The following TIAM2 variants were observed in gnomAD, a reference collection of about 807,000 sequenced individuals.
TIAM2 encodes rho guanine nucleotide exchange factor TIAM2.
TIAM2 carries 80 observed loss-of-function variants against 152.9 expected under a neutral mutation model. That is an observed-to-expected ratio of 0.52 (90% CI 0.44 to 0.63). TIAM2 has a LOEUF of 0.63. Ranked by LOEUF, TIAM2 falls within the 30% of genes least tolerant of loss-of-function variation. The pLI is 0.00. For synonymous variants in TIAM2, 804 were observed against 838.0 expected (o/e 0.96, Z 0.70); for missense variants, 1,965 against 2,120.1 (o/e 0.93, Z 1.44).
chr6:155,243,383 T>A (rs1783147702), intron 16 of TIAM2, among the ~76,000 whole-genome samples: 1 of 152,140 alleles, frequency 6.6e-6, no homozygotes, highest in Non-Finnish European at 1.5e-5. Flanking sequence ...TGCAGGGAAG[T>A]GAGTGCCCCT....
chr6:155,250,113 T>C (rs1251727590), intron 21 of TIAM2, 144 bp downstream of exon 21: 1 of 596,524 alleles, frequency 1.7e-6, no homozygotes, highest in Non-Finnish European at 3.0e-6. Flanking sequence ...TCTAATGAAC[T>C]ACACAATTTA....
At chr6:155,005,903 GCAT>G (rs1332821241) in intron 1 of TIAM2, among the ~76,000 whole-genome samples, 1 of 152,182 alleles carries the variant, frequency 6.6e-6, no homozygotes, top group Non-Finnish European at 1.5e-5. Flanking sequence ...GCCTGCCTCG[GCAT>G]CCCAAAGTGC....
chr6:155,161,128 G>T (rs1780257397), intron 7 of TIAM2, among the ~76,000 whole-genome samples: 1 of 152,116 alleles, frequency 6.6e-6, no homozygotes, highest in Admixed American at 6.5e-5. Flanking sequence ...GAGTGCTGAA[G>T]ATTATTAAAG....
intron 1 of TIAM2, among the ~76,000 whole-genome samples, chr6:155,010,366 A>G (rs1778465767): frequency 6.6e-6 from 1 of 152,340 alleles, no homozygotes; most frequent in Non-Finnish European, 1.5e-5. Context: ...AAATGGGGTA[A>G]AGGGTTTGGG....
chr6:155,249,729 C>T (rs1272848047), intron 20 of TIAM2, 122 bp from the exon 21 acceptor site: 3 of 703,160 alleles, frequency 4.3e-6, no homozygotes, highest in South Asian at 2.1e-5. Flanking sequence ...GAATGTAATG[C>T]TCCTGCTAGT....
rs1347659136 is a variant in TIAM2 at position 155,047,673 on chromosome 6, AGAGAGAGAGAGAGAG to A, written c.-208-42600_-208-42586del. On this transcript the variant is annotated intron_variant, in intron 1 of 26. Transcript: ENST00000682666. ...GGGGAGAGAGAGAGAGAGAGGAGAG[AGAGAGAGAGAGAGAG>A]GAGAGAGAGAGAGAGAGCGAGAGAG... is the stretch of plus-strand genomic sequence containing the variant. Among the ~76,000 whole-genome samples the A allele has an allele frequency of 3.8e-5, 2 of 52,104 alleles. 1 individual carries two copies. 34.2% of individuals were successfully genotyped at this position (52,104 alleles called of 152,430 possible). A position where few individuals can be genotyped will look rare whatever the true frequency, so the allele number is the denominator to read the frequency against.
In TIAM2 at chr6:155,130,088, C is replaced by G. The variant is rs1467546132; in HGVS notation, c.865C>G (p.Pro289Ala). The change falls in exon 4 of 27, where the codon CCT becomes GCT. Residue 289 changes from proline (P) to alanine (A), a missense_variant. This residue lies in a region of TIAM2 where 1,025 missense variants were observed against 1,119.4 expected (regional missense o/e 0.92). Transcript: ENST00000682666. Reference protein sequence around the residue: ...ASFPPGDAKKPFNQSSSLSSL... With the variant: ...ASFPPGDAKKAFNQSSSLSSL... ...CTTCCCACCTGGCGATGCCAAAAAGCCTTTCAACCAAAGCTCTTCCCTCTC... is the reference window on the plus strand; with the variant it reads ...CTTCCCACCTGGCGATGCCAAAAAGGCTTTCAACCAAAGCTCTTCCCTCTC... 6.2e-7 allele frequency: 1 copy of G among 1,614,108 alleles called. No individual in the cohort carries two copies. The highest frequency in any genetic ancestry group is 8.5e-7 in the Non-Finnish European group (1 of 1,180,028).
chr6:155,090,886 T>C (rs555911791), intron 2 of TIAM2, among the ~76,000 whole-genome samples: 14 of 152,276 alleles, frequency 9.2e-5, no homozygotes, highest in Admixed American at 4.6e-4. Context: ...TTAAGGCTGT[T>C]TCATTCCGAC....
chr6:155,104,029 C>CAT (rs1778609348), intron 2 of TIAM2, among the ~76,000 whole-genome samples: 1 of 68,662 alleles, frequency 1.5e-5, no homozygotes, highest in African/African-American at 6.2e-5. Context: ...GTATTTACCT[C>CAT]ACACACACAC....
At chr6:155,211,164 A>G in intron 14 of TIAM2, 40 bp from the exon 15 acceptor site, 2 of 1,586,102 alleles carry the variant, frequency 1.3e-6, no homozygotes, top group Non-Finnish European at 1.7e-6. Flanking sequence ...TTCTCTGCAA[A>G]TGGCCAAACT....
chr6:155,029,474 TA>T (rs1776761323), intron 1 of TIAM2, among the ~76,000 whole-genome samples: 1 of 54,440 alleles, frequency 1.8e-5, no homozygotes, highest in African/African-American at 9.8e-5. Context: ...ATATATACTA[TA>T]GTATATATAC....
At chr6:155,050,766 GGT>G in intron 1 of TIAM2, among the ~76,000 whole-genome samples, 1 of 152,212 alleles carries the variant, frequency 6.6e-6, no homozygotes, top group East Asian at 1.9e-4. Flanking sequence ...CTTTTACAGT[GGT>G]GTCTTTTTCT....
At chr6:155,149,621 A>T (rs539730230) in intron 7 of TIAM2, among the ~76,000 whole-genome samples, 154 of 152,250 alleles carry the variant, frequency 1.0e-3, no homozygotes, top group African/African-American at 3.0e-3. Flanking sequence ...ATCTGTGTAT[A>T]TATGAAGAAT....
rs145223838 is a variant in TIAM2, at chr6:155,107,681, G to A, written c.-118+17302G>A. On this transcript the variant is annotated intron_variant, in intron 2 of 26. Transcript: ENST00000682666. ...TTTTCAAACTTGTAATTTGACTTTC[G>A]CTGTTTAGTATCGTTTGTCTTTTTG... 3.1e-3 allele frequency among the ~76,000 whole-genome samples: 467 copies of A among 152,248 alleles called. 3 individuals are homozygous for A. Among genetic ancestry groups the A allele is most frequent in the African/African-American group, 0.011 (439 of 41,536 alleles).
chr6:155,217,944 GT>G (rs201175224), intron 15 of TIAM2, among the ~76,000 whole-genome samples: 8 of 151,584 alleles, frequency 5.3e-5, no homozygotes, highest in East Asian at 3.9e-4. Flanking sequence ...AACCTTTTGA[GT>G]TTTTTTTTGT....
intron 1 of TIAM2, among the ~76,000 whole-genome samples, chr6:155,088,223 G>A (rs566770336): frequency 1.4e-4 from 22 of 151,790 alleles, no homozygotes; most frequent in Admixed American, 1.4e-3. Flanking sequence ...CCCGGCTAAT[G>A]TTTTGTATTT....
intron 7 of TIAM2, among the ~76,000 whole-genome samples, chr6:155,161,234 G>A: frequency 6.6e-6 from 1 of 152,128 alleles, no homozygotes; most frequent in Non-Finnish European, 1.5e-5. Context: ...AACCCCAGCT[G>A]GGGATGCAGT....
rs1214852521 is a variant in TIAM2, at chr6:155,062,103, C to T, written c.-208-28186C>T. 6.0e-5 allele frequency among the ~76,000 whole-genome samples: 9 copies of T among 149,130 alleles called. No individual in the cohort carries two copies. The South Asian group carries it at 6.5e-4, about 11-fold the overall frequency. ...GCATCTCGCCCCCCCACCGCCCCCG[C>T]GCACCACCCCCCACTTAGGAAAAGG... is the stretch of plus-strand genomic sequence containing the variant. On this transcript the variant is annotated intron_variant, in intron 1 of 26. Transcript: ENST00000682666.
chr6:155,009,553 G>A (rs748439966), intron 1 of TIAM2, among the ~76,000 whole-genome samples: 6 of 152,138 alleles, frequency 3.9e-5, no homozygotes, highest in Admixed American at 6.6e-5. Flanking sequence ...ATGTGGATCC[G>A]TAGACGTCAT....
Sources: gnomAD v4.1 joint callset for allele counts (sites outside exome capture counted in the v4.1 genomes callset) on GRCh38, gnomAD v4.1.1 for gene constraint, gnomAD v4.1.1 regional missense constraint, MANE v1.5 for transcripts, NCBI Gene and HGNC (gene_info 2026-07-23, HGNC 2026-07-21) for gene names.